Variants in DGKB observed in about 807,000 individuals in gnomAD.
DGKB encodes diacylglycerol kinase beta.
In DGKB, 67 loss-of-function variants were observed where a neutral mutation model predicts 114.3. The ratio of observed to expected loss-of-function variants is 0.59; its 90% CI spans 0.48 to 0.72. DGKB has a LOEUF of 0.72. DGKB is among the 30% of genes least tolerant of loss of function. The probability of loss-of-function intolerance (pLI) is 0.00; values close to 1 mark genes in which losing one functional copy is unlikely to be tolerated. For synonymous variants in DGKB, 398 were observed against 323.1 expected (o/e 1.23, Z -2.49); for missense variants, 907 against 975.2 (o/e 0.93, Z 0.93).
chr7:14,617,337 A>G (rs1806732728), intron 15 of DGKB, among the ~76,000 whole-genome samples: 1 of 151,668 alleles, frequency 6.6e-6, no homozygotes, highest in Non-Finnish European at 1.5e-5. Flanking sequence ...AACTATTAAT[A>G]TCTTGGAGAA....
chr7:14,162,790 A>G (rs1784093005), intron 25 of DGKB, among the ~76,000 whole-genome samples: 1 of 152,214 alleles, frequency 6.6e-6, no homozygotes, highest in African/African-American at 2.4e-5. Flanking sequence ...ATATGCTATG[A>G]CAAGAAAAAA....
rs556088883 is a variant in DGKB, at chr7:14,551,595, T to C, written c.1770+22617A>G. Among the ~76,000 whole-genome samples the C allele has an allele frequency of 1.8e-4, 28 of 152,256 alleles. No individual in the cohort carries two copies. The South Asian group carries it at 2.5e-3, about 14-fold the overall frequency. On this transcript the variant is annotated intron_variant, in intron 20 of 25. Transcript: ENST00000402815. ...CTAAGATAGTCTTACATGAGCACTATTTTGTGGCTGAATATCTGTTGATGT... is the reference window on the plus strand; with the variant it reads ...CTAAGATAGTCTTACATGAGCACTACTTTGTGGCTGAATATCTGTTGATGT...
At chr7:14,973,526 TG>T (rs1272638956) in intron 1 of DGKB, among the ~76,000 whole-genome samples, 12 of 135,170 alleles carry the variant, frequency 8.9e-5, no homozygotes, top group East Asian at 3.8e-4. Flanking sequence ...TTTGTTTTTT[TG>T]TTTTTTTTTT....
At chr7:14,409,312 G>A (rs574929952) in intron 21 of DGKB, among the ~76,000 whole-genome samples, 2 of 152,122 alleles carry the variant, frequency 1.3e-5, no homozygotes, top group African/African-American at 4.8e-5. Context: ...ATCGTGTTTA[G>A]CGCAATACCA....
intron 25 of DGKB, among the ~76,000 whole-genome samples, chr7:14,150,591 A>T (rs1782044479): frequency 6.6e-6 from 1 of 152,112 alleles, no homozygotes; most frequent in African/African-American, 2.4e-5. Context: ...AATAAATTGC[A>T]CCTGTAAAAG....
intron 13 of DGKB, among the ~76,000 whole-genome samples, chr7:14,668,884 G>A (rs1307054334): frequency 6.6e-6 from 1 of 152,040 alleles, no homozygotes; most frequent in African/African-American, 2.4e-5. Context: ...CATGAAGACT[G>A]GGCTGTGCCT....
chr7:14,239,301 G>GTTT (rs56782824), intron 23 of DGKB, among the ~76,000 whole-genome samples: 4 of 151,644 alleles, frequency 2.6e-5, no homozygotes, highest in Admixed American at 2.6e-4. Flanking sequence ...ATTTCAAAAA[G>GTTT]TTTTTTTAAA....
chr7:14,283,142 G>A (rs1296929944), intron 23 of DGKB, among the ~76,000 whole-genome samples: 1 of 151,674 alleles, frequency 6.6e-6, no homozygotes, highest in African/African-American at 2.4e-5. Flanking sequence ...ATCTCCTTAA[G>A]CTGATAAGCA....
intron 21 of DGKB, among the ~76,000 whole-genome samples, chr7:14,456,847 A>G (rs1047680117): frequency 1.3e-5 from 2 of 152,090 alleles, no homozygotes; most frequent in African/African-American, 4.8e-5. Flanking sequence ...ACAGCTTTGC[A>G]GGCAAATTAA....
chr7:14,337,644 T>C (rs1395569859), intron 23 of DGKB, among the ~76,000 whole-genome samples: 2 of 152,136 alleles, frequency 1.3e-5, no homozygotes, highest in Non-Finnish European at 2.9e-5. Flanking sequence ...TTTCATTTTT[T>C]AGTAATTTAT....
rs568368641 is a variant in DGKB, at chr7:14,742,159, A to G, written c.169-5965T>C. 2.6e-5 allele frequency among the ~76,000 whole-genome samples: 4 copies of G among 152,262 alleles called. No individual in the cohort carries two copies. In the South Asian group the frequency reaches 8.3e-4, roughly 32 times the overall value. ...AACCCCAGTAATTAGAGGCAGATAG[A>G]TCCCTTTCAAAATCTGTTTTTGTCT... On this transcript the variant is annotated intron_variant, in intron 4 of 25. Transcript: ENST00000402815.
At chr7:14,218,961 T>A (rs1584523851) in intron 23 of DGKB, among the ~76,000 whole-genome samples, 1 of 151,924 alleles carries the variant, frequency 6.6e-6, no homozygotes. Context: ...CAACTAATGA[T>A]CTACTTTCTG....
At chr7:14,564,420 G>T (rs149860429) in intron 20 of DGKB, among the ~76,000 whole-genome samples, 10 of 152,214 alleles carry the variant, frequency 6.6e-5, no homozygotes, top group Non-Finnish European at 1.3e-4. Flanking sequence ...CAACTTAAAT[G>T]AGTCTGGTTT....
chr7:14,644,647 C>T (rs376084499), intron 13 of DGKB, among the ~76,000 whole-genome samples: 128 of 151,640 alleles, frequency 8.4e-4, no homozygotes, highest in Middle Eastern at 6.8e-3. Context: ...CCTAGTCACA[C>T]ACAAAAAAAA....
intron 12 of DGKB, among the ~76,000 whole-genome samples, chr7:14,674,668 G>A (rs1819553858): frequency 6.6e-6 from 1 of 152,070 alleles, no homozygotes; most frequent in South Asian, 2.1e-4. Flanking sequence ...AATGACTGGT[G>A]TCCTTATAAG....
intron 7 of DGKB, among the ~76,000 whole-genome samples, chr7:14,699,080 G>A (rs928144650): frequency 6.6e-6 from 1 of 151,848 alleles, no homozygotes; most frequent in African/African-American, 2.4e-5. Flanking sequence ...CTTTTGGGAA[G>A]CCGTGTTTCC....
At chr7:14,538,507 G>T (rs1464469448) in intron 20 of DGKB, among the ~76,000 whole-genome samples, 1 of 152,092 alleles carries the variant, frequency 6.6e-6, no homozygotes, top group African/African-American at 2.4e-5. Context: ...AAGTTATGGA[G>T]AAATCGGAAT....
chr7:14,539,532 G>A (rs1793073115), intron 20 of DGKB, among the ~76,000 whole-genome samples: 1 of 152,108 alleles, frequency 6.6e-6, no homozygotes, highest in South Asian at 2.1e-4. Context: ...CATGTGGTAT[G>A]CAAATTATAT....
intron 6 of DGKB, among the ~76,000 whole-genome samples, chr7:14,713,005 G>T (rs1404210278): frequency 2.6e-5 from 4 of 152,084 alleles, no homozygotes; most frequent in African/African-American, 7.2e-5. Context: ...CAACACGACA[G>T]CTTCCAAATA....
Sources: allele counts gnomAD v4.1 joint callset (sites outside exome capture counted in the v4.1 genomes callset), GRCh38; gene constraint gnomAD v4.1.1; transcripts MANE v1.5; gene names NCBI Gene and HGNC (gene_info 2026-07-23, HGNC 2026-07-21).